Variants in GPRASP1 observed in about 807,000 individuals in gnomAD.
GPRASP1 encodes the protein G protein-coupled receptor-associated sorting protein 1.
A neutral mutation model predicts 68.4 loss-of-function variants in GPRASP1; 28 were observed. The observed-to-expected ratio is 0.41, with a 90% CI of 0.30 to 0.56. GPRASP1 has a LOEUF of 0.56. GPRASP1 is among the 20% of genes least tolerant of loss of function. The probability of loss-of-function intolerance (pLI) is 0.29; values close to 1 mark genes in which losing one functional copy is unlikely to be tolerated. For missense variants in GPRASP1, 913 were observed against 1,031.5 expected (o/e 0.89, Z 1.57); for synonymous variants, 304 against 358.2 (o/e 0.85, Z 1.71).
In GPRASP1 at chrX:102,654,574, G is replaced by C. The variant is rs771436805; in HGVS notation, c.661G>C (p.Asp221His). 4 of 1,210,900 alleles carry C rather than the reference G, an allele frequency of 3.3e-6. No homozygotes were observed. The South Asian group carries it at 5.3e-5, about 16-fold the overall frequency. Residue 221 changes from aspartate (D) to histidine (H), a missense_variant, in exon 6 of 6, where the codon GAC (aspartate) becomes CAC (histidine). Physicochemically the swap from Asp to His is moderately conservative, Grantham distance 81. Transcript: ENST00000537097. Reference protein sequence around the residue: ...AKFHPGNRVKDSNRSMHMANQ... With the variant: ...AKFHPGNRVKHSNRSMHMANQ... The stretch of plus-strand genomic sequence containing the variant: ...ATTTCATCCTGGGAATAGGGTAAAA[G>C]ACAGTAACAGATCCATGCACATGGC...
rs2081417084 is a variant in GPRASP1 at position 102,656,833 on chromosome X, G to A, written c.2920G>A (p.Glu974Lys). The stretch of plus-strand genomic sequence containing the variant: ...AGGGGCCATTGTTGGGTCTTGGTTT[G>A]AGGCTGAAGATGAGGTAGATAACAG... Reference protein sequence around the residue: ...EEGAIVGSWFEAEDEVDNRTD... With the variant: ...EEGAIVGSWFKAEDEVDNRTD... The change falls in exon 6 of 6, where the codon GAG becomes AAG. Residue 974 changes from glutamate (E) to lysine (K), a missense_variant. Physicochemically the swap from Glu to Lys is moderately conservative, Grantham distance 56 (BLOSUM62 1). Transcript: ENST00000537097. 8.3e-7 allele frequency: 1 copy of A among 1,209,221 alleles called. No homozygotes were observed. The highest frequency in any genetic ancestry group is 1.8e-5 in the African/African-American group (1 of 56,939).
In GPRASP1 at chrX:102,657,717, T is replaced by C. The variant is rs940409550; in HGVS notation, c.3804T>C (p.Thr1268=). ...TGATTAGACATCTCACTACTACTAC[T>C]GACTATCACACACTGGTTGCCAATT... The part of the protein sequence containing the change: ...IRMIRHLTTT[T]DYHTLVANYM... The change falls in exon 6 of 6, where the codon ACT becomes ACC. Residue 1268 remains threonine (T), a synonymous_variant. Coordinates refer to ENST00000537097, the MANE Select transcript of GPRASP1 (RefSeq NM_001184727.2). The C allele has an allele frequency of 7.5e-6, 9 of 1,205,397 alleles. No homozygotes were observed. The highest frequency in any genetic ancestry group is 1.0e-5 in the Non-Finnish European group (9 of 890,788).
chrX:102,656,620 G>A lies in GPRASP1; in HGVS notation c.2707G>A (p.Glu903Lys). 3 of 1,210,775 alleles carry A rather than the reference G, an allele frequency of 2.5e-6. No individual in the cohort carries two copies. Among genetic ancestry groups the A allele is most frequent in the Non-Finnish European group, 3.4e-6 (3 of 895,004 alleles). ...AVEEMESETE[E>K]ETIFGSWFWD... is the part of the protein sequence containing the mutation. ...AGAGGAAATGGAGTCAGAGACTGAA[G>A]AGGAAACCATTTTTGGGTCCTGGTT... The change falls in exon 6 of 6, where the codon GAG becomes AAG. Residue 903 changes from glutamate to lysine, a missense_variant. Glu to Lys is a moderately conservative substitution (Grantham distance 56). Coordinates refer to ENST00000537097, the MANE Select transcript of GPRASP1 (RefSeq NM_001184727.2).
Position 102,657,333 on chromosome X carries a change from A to G in GPRASP1, c.3420A>G (p.Ser1140=), listed in dbSNP as rs1165567128. The change falls in exon 6 of 6, where the codon TCA becomes TCG. Residue 1140 remains serine, a synonymous_variant. Coordinates refer to ENST00000537097, the MANE Select transcript of GPRASP1 (RefSeq NM_001184727.2). The stretch of plus-strand genomic sequence containing the variant: ...AGGAGAGTACAGAGCCTGAGAGTTC[A>G]TCCTGTAACTGCATACAATGTGAGC... ...RAKESTEPES[S]SCNCIQCELK... is the part of the protein sequence containing the mutation. 4.1e-6 allele frequency: 5 copies of G among 1,209,549 alleles called. No homozygotes were observed. The Admixed American group carries it at 1.1e-4, about 26-fold the overall frequency.
At position 102,655,441 on chromosome X, in the gene GPRASP1, C is replaced by G. The variant is rs748738923; in HGVS notation, c.1528C>G (p.Gln510Glu). The G allele has an allele frequency of 1.3e-5, 16 of 1,209,378 alleles. No homozygotes were observed. The highest frequency in any genetic ancestry group is 1.1e-6 in the Non-Finnish European group (1 of 894,903). Residue 510 changes from glutamine (Q) to glutamate (E), a missense_variant, in exon 6 of 6, where the codon CAA (glutamine) becomes GAA (glutamate). By Grantham distance (29) the Gln-to-Glu change is conservative (BLOSUM62 2). Coordinates refer to ENST00000537097, the MANE Select transcript of GPRASP1 (RefSeq NM_001184727.2). ...GTTCTGGGCTGGTGAAGAGGTCAACCAAGAGGCTGAGGAAGAGACCATTTT... is the reference window on the plus strand; with the variant it reads ...GTTCTGGGCTGGTGAAGAGGTCAACGAAGAGGCTGAGGAAGAGACCATTTT... ...SWFWAGEEVNQEAEEETIFGS... is the reference protein window; with the variant it reads ...SWFWAGEEVNEEAEEETIFGS...
In GPRASP1 at chrX:102,655,050, A is replaced by C. The variant is rs2081395226; in HGVS notation, c.1137A>C (p.Ala379=). 2 of 1,210,532 alleles carry C rather than the reference A, an allele frequency of 1.7e-6. No homozygotes were observed. The highest frequency in any genetic ancestry group is 2.2e-6 in the Non-Finnish European group (2 of 895,188). The stretch of plus-strand genomic sequence containing the variant: ...TCAAGAAAGAGGCCAGGGCCAGAGC[A>C]ATGACAAAGGAAGAGGCCAAAACCA... ...PMIKKEARAR[A]MTKEEAKTKA... The change falls in exon 6 of 6, where the codon GCA becomes GCC. Residue 379 remains alanine, a synonymous_variant. Coordinates refer to ENST00000537097, the MANE Select transcript of GPRASP1 (RefSeq NM_001184727.2).
In GPRASP1 at chrX:102,655,287, G is replaced by A; in HGVS notation, c.1374G>A (p.Arg458=). ...GTGASSKSRP[R]TDGERIGDSL... ...GGGCTAGCAGTAAATCCAGACCAAG[G>A]ACTGATGGGGAGCGTATTGGTGATT... Residue 458 remains arginine, a synonymous_variant, in exon 6 of 6, where the codon AGG becomes AGA. Coordinates refer to ENST00000537097, the MANE Select transcript of GPRASP1 (RefSeq NM_001184727.2). 9.1e-6 allele frequency: 11 copies of A among 1,212,004 alleles called. No individual in the cohort carries two copies. The highest frequency in any genetic ancestry group is 2.3e-4 in the Middle Eastern group (1 of 4,354).
Position 102,654,385 on chromosome X carries a change from G to C in GPRASP1, c.472G>C (p.Ala158Pro), listed in dbSNP as rs779157434. The change falls in exon 6 of 6, where the codon GCA (alanine) becomes CCA (proline). Residue 158 changes from alanine (A) to proline (P), a missense_variant. Ala to Pro is a conservative substitution (Grantham distance 27, BLOSUM62 -1). Coordinates refer to ENST00000537097, the MANE Select transcript of GPRASP1 (RefSeq NM_001184727.2). The part of the protein sequence containing the change: ...SFPRRKAHYQ[A>P]GFQPSFRSKE... ...TCCTAGAAGGAAGGCCCATTACCAA[G>C]CAGGATTCCAGCCTTCTTTTAGGTC... 8.3e-7 allele frequency: 1 copy of C among 1,211,015 alleles called. No homozygotes were observed. Among genetic ancestry groups the C allele is most frequent in the Admixed American group, 2.2e-5 (1 of 46,093 alleles).
chrX:102,656,241 G>A lies in GPRASP1; in HGVS notation c.2328G>A (p.Gly776=). Residue 776 remains glycine (G), a synonymous_variant, in exon 6 of 6, where the codon GGG becomes GGA. Coordinates refer to ENST00000537097, the MANE Select transcript of GPRASP1 (RefSeq NM_001184727.2). ...AGTCCAGGCCAGAAGCTGAGGAGGG[G>A]GACATTATTGGTTCTTGGTTCTGGG... is the stretch of plus-strand genomic sequence containing the variant. The part of the protein sequence containing the change: ...REESRPEAEE[G]DIIGSWFWAG... 1 of 1,211,089 alleles carries A rather than the reference G, an allele frequency of 8.3e-7. No homozygotes were observed. The highest frequency in any genetic ancestry group is 1.1e-6 in the Non-Finnish European group (1 of 895,264).
chrX:102,656,162 A>G lies in GPRASP1; in HGVS notation c.2249A>G (p.Asn750Ser), dbSNP rs774861171. 2.5e-6 allele frequency: 3 copies of G among 1,210,771 alleles called. No individual in the cohort carries two copies. Among genetic ancestry groups the G allele is most frequent in the Non-Finnish European group, 3.4e-6 (3 of 894,745 alleles). The change falls in exon 6 of 6, where the codon AAT becomes AGT. Residue 750 changes from asparagine (N) to serine (S), a missense_variant. By Grantham distance (46) the Asn-to-Ser change is conservative. Transcript: ENST00000537097. The part of the protein sequence containing the change: ...KLLTEEETII[N>S]SWFWKEDEAI... ...CTGACTGAAGAGGAGACCATAATCAATTCCTGGTTCTGGAAAGAAGATGAA... is the reference window on the plus strand; with the variant it reads ...CTGACTGAAGAGGAGACCATAATCAGTTCCTGGTTCTGGAAAGAAGATGAA...
chrX:102,656,339 G>A lies in GPRASP1; in HGVS notation c.2426G>A (p.Gly809Asp). ...EEDRLAAEKE[G>D]IVGSWFGARE... is the part of the protein sequence containing the mutation. ...GACAGGCTAGCAGCTGAGAAAGAAG[G>A]TATTGTTGGGTCCTGGTTTGGGGCC... The change falls in exon 6 of 6, where the codon GGT (glycine) becomes GAT (aspartate). Residue 809 changes from glycine to aspartate, a missense_variant. Transcript: ENST00000537097. 5.9e-6 allele frequency: 7 copies of A among 1,194,452 alleles called. No individual in the cohort carries two copies. Among genetic ancestry groups the A allele is most frequent in the Non-Finnish European group, 6.8e-6 (6 of 887,983 alleles).
rs1266102049 is a variant in GPRASP1 at position 102,656,704 on chromosome X, G to A, written c.2791G>A (p.Asp931Asn). The A allele has an allele frequency of 7.4e-6, 9 of 1,211,223 alleles. No individual in the cohort carries two copies. The highest frequency in any genetic ancestry group is 1.0e-5 in the Non-Finnish European group (9 of 895,128). The change falls in exon 6 of 6, where the codon GAT (aspartate) becomes AAT (asparagine). Residue 931 changes from aspartate (D) to asparagine (N), a missense_variant. Coordinates refer to ENST00000537097, the MANE Select transcript of GPRASP1 (RefSeq NM_001184727.2). ...ACCATGCTGTGTATCCAAGCCAGAG[G>A]ATGATGAAGAGATGATTGTTGAGTC... ...AGPCCVSKPE[D>N]DEEMIVESWF...
intron 3 of GPRASP1, among the ~76,000 whole-genome samples, 179 bp downstream of exon 3, chrX:102,652,444 G>T (rs1447512716): frequency 3.6e-5 from 4 of 112,328 alleles, no homozygotes; most frequent in Non-Finnish European, 7.5e-5. Context: ...TAAACTGGGG[G>T]CTTGAAAGGG....
In GPRASP1 at chrX:102,656,574, A is replaced by G. The variant is rs781632270; in HGVS notation, c.2661A>G (p.Ile887Met). The stretch of plus-strand genomic sequence containing the variant: ...TCTGGCCTGAAGAAGAAGCCAGTAT[A>G]CAGGCTGGATCTCAGGCAGTAGAGG... ...SWFWPEEEAS[I>M]QAGSQAVEEM... Residue 887 changes from isoleucine (I) to methionine (M), a missense_variant, in exon 6 of 6, where the codon ATA (isoleucine) becomes ATG (methionine). Coordinates refer to ENST00000537097, the MANE Select transcript of GPRASP1 (RefSeq NM_001184727.2). The G allele has an allele frequency of 3.3e-6, 4 of 1,210,271 alleles. No individual in the cohort carries two copies. In the Admixed American group the frequency reaches 8.7e-5, roughly 26 times the overall value.
Position 102,657,905 on chromosome X carries a change from C to T in GPRASP1, c.3992C>T (p.Thr1331Ile). Residue 1331 changes from threonine to isoleucine, a missense_variant, in exon 6 of 6, where the codon ACA becomes ATA. Physicochemically the swap from Thr to Ile is moderately conservative, Grantham distance 89. Transcript: ENST00000537097. ...ATAGGCCTCTTTAACAGGGAAGAGA[C>T]AAATGACAATATTCAAATTGTTCTT... Reference protein sequence around the residue: ...EFIGLFNREETNDNIQIVLAI... With the variant: ...EFIGLFNREEINDNIQIVLAI... 1 of 1,192,477 alleles carries T rather than the reference C, an allele frequency of 8.4e-7. No homozygotes were observed.
chrX:102,652,549 C>A (rs943955995), intron 3 of GPRASP1, among the ~76,000 whole-genome samples: 3 of 113,365 alleles, frequency 2.6e-5, no homozygotes, highest in African/African-American at 9.6e-5. Context: ...CCCCCATTTT[C>A]TGCTGCGCAG....
At position 102,653,988 on chromosome X, in the gene GPRASP1, G is replaced by A. The variant is rs1273604482; in HGVS notation, c.75G>A (p.Gly25=). The stretch of plus-strand genomic sequence containing the variant: ...AGCCTGGGGAAGAGGTTGTAGGTGG[G>A]GCTGAGATAGAGAATGATGTCCCTC... The part of the protein sequence containing the change: ...EKKPGEEVVG[G]AEIENDVPLV... Residue 25 remains glycine, a synonymous_variant, in exon 6 of 6, where the codon GGG becomes GGA. Coordinates refer to ENST00000537097, the MANE Select transcript of GPRASP1 (RefSeq NM_001184727.2). The A allele has an allele frequency of 8.3e-7, 1 of 1,210,087 alleles. No individual in the cohort carries two copies. The highest frequency in any genetic ancestry group is 1.1e-6 in the Non-Finnish European group (1 of 894,992).
At chrX:102,653,199 C>T (rs1388066028) in intron 4 of GPRASP1, 22 bp from the exon 5 acceptor site, 1 of 111,610 alleles carries the variant, frequency 9.0e-6, no homozygotes, top group Non-Finnish European at 1.9e-5. Context: ...CCATTCTCTC[C>T]TGTATGTTTA....
rs2081429492 is a variant in GPRASP1, at chrX:102,657,713, C to G, written c.3800C>G (p.Thr1267Ser). The G allele has an allele frequency of 6.6e-6, 8 of 1,207,797 alleles. No homozygotes were observed. In the East Asian group the frequency reaches 2.4e-4, roughly 36 times the overall value. ...GIRMIRHLTT[T>S]TDYHTLVANY... ...AGGATGATTAGACATCTCACTACTA[C>G]TACTGACTATCACACACTGGTTGCC... Residue 1267 changes from threonine to serine, a missense_variant, in exon 6 of 6, where the codon ACT becomes AGT. Transcript: ENST00000537097.
Sources: gnomAD v4.1 joint callset for allele counts (sites outside exome capture counted in the v4.1 genomes callset) on GRCh38, gnomAD v4.1.1 for gene constraint, MANE v1.5 for transcripts, NCBI Gene and HGNC (gene_info 2026-07-23, HGNC 2026-07-21) for gene names.